Variants in KIAA1217 observed in about 807,000 individuals in gnomAD.
KIAA1217 encodes the protein KIAA1217.
In KIAA1217, 88 loss-of-function variants were observed where a neutral mutation model predicts 163.9. The observed-to-expected ratio is 0.54, with a 90% CI of 0.45 to 0.64. KIAA1217 has a LOEUF of 0.64. Among genes scored for constraint, KIAA1217 ranks in the 30% least tolerant of loss-of-function variants. The pLI is 0.00. For synonymous variants in KIAA1217, 903 were observed against 923.1 expected, an observed-to-expected ratio of 0.98 and a Z score of 0.39; for missense variants, 2,372 against 2,475.0, an observed-to-expected ratio of 0.96 and a Z score of 0.88.
At chr10:24,322,594 G>T (rs1044716463) in intron 2 of KIAA1217, among the ~76,000 whole-genome samples, 1 of 152,142 alleles carries the variant, frequency 6.6e-6, no homozygotes, top group Non-Finnish European at 1.5e-5. Flanking sequence ...AATTACATTT[G>T]AAACATATAC....
chr10:24,225,587 A>G (rs1353035227), intron 2 of KIAA1217, among the ~76,000 whole-genome samples: 1 of 152,214 alleles, frequency 6.6e-6, no homozygotes, highest in East Asian at 1.9e-4. Context: ...TTTGGCACCT[A>G]CCATGGTAAA....
rs76689264 is a variant in KIAA1217 at position 23,845,495 on chromosome 10, G to T, written c.-321+150261G>T. 9.8e-5 allele frequency among the ~76,000 whole-genome samples: 15 copies of T among 152,288 alleles called. No homozygotes were observed. The East Asian group carries it at 2.9e-3, about 29-fold the overall frequency. ...CATTTCTCTGATGACCAGTAATGAT[G>T]AACATTTTTTCATAAGTTTGTTGGC... On this transcript the variant is annotated intron_variant, in intron 1 of 18. Transcript: ENST00000376462.
chr10:24,526,773 A>C (rs2072256200), intron 13 of KIAA1217, among the ~76,000 whole-genome samples: 1 of 152,082 alleles, frequency 6.6e-6, no homozygotes, highest in African/African-American at 2.4e-5. Context: ...CCCTCAAGAC[A>C]CTTACCTACT....
chr10:23,879,830 T>C (rs1019492976), intron 1 of KIAA1217, among the ~76,000 whole-genome samples: 2 of 151,768 alleles, frequency 1.3e-5, no homozygotes, highest in Admixed American at 1.3e-4. Context: ...AAAATGATAA[T>C]GTAGGAGAAG....
chr10:23,914,369 T>C (rs1842557411), intron 1 of KIAA1217, among the ~76,000 whole-genome samples: 1 of 152,122 alleles, frequency 6.6e-6, no homozygotes. Context: ...GGCTGGAGTG[T>C]AGTGGCACAG....
intron 1 of KIAA1217, among the ~76,000 whole-genome samples, chr10:23,699,709 C>G (rs1045219490): frequency 6.6e-6 from 1 of 152,150 alleles, no homozygotes; most frequent in African/African-American, 2.4e-5. Flanking sequence ...ACTGCAGCCT[C>G]GAACTCTTGG....
intron 2 of KIAA1217, among the ~76,000 whole-genome samples, chr10:24,193,859 G>C (rs1382001203): frequency 5.4e-5 from 8 of 149,004 alleles, no homozygotes; most frequent in African/African-American, 2.0e-4. Context: ...GCAGTCACGT[G>C]CATGTTCATG....
chr10:23,739,756 C>T (rs1029881423), intron 1 of KIAA1217, among the ~76,000 whole-genome samples: 5 of 152,096 alleles, frequency 3.3e-5, no homozygotes, highest in Non-Finnish European at 7.4e-5. Flanking sequence ...AGACCCGGGA[C>T]GAGGCTCCTG....
intron 13 of KIAA1217, among the ~76,000 whole-genome samples, chr10:24,527,092 A>AT (rs959411901): frequency 3.3e-5 from 5 of 152,244 alleles, no homozygotes; most frequent in African/African-American, 1.2e-4. Context: ...TTTAAAATGC[A>AT]TTTTATGTAT....
chr10:24,149,051 C>G (rs1252958281), intron 2 of KIAA1217, among the ~76,000 whole-genome samples: 1 of 152,164 alleles, frequency 6.6e-6, no homozygotes, highest in Non-Finnish European at 1.5e-5. Context: ...CCTGACATCC[C>G]ATTCCCTATG....
At chr10:24,095,830 G>T (rs1304980890) in intron 2 of KIAA1217, among the ~76,000 whole-genome samples, 1 of 152,274 alleles carries the variant, frequency 6.6e-6, no homozygotes, top group Admixed American at 6.5e-5. Flanking sequence ...CTTGCACCTG[G>T]CGTGGTGGTT....
chr10:23,919,076 T>A (rs1478185946), intron 1 of KIAA1217, among the ~76,000 whole-genome samples: 1 of 152,038 alleles, frequency 6.6e-6, no homozygotes, highest in Non-Finnish European at 1.5e-5. Flanking sequence ...TGGAAATGAC[T>A]CCCCCATCTC....
At chr10:24,209,738 C>A (rs2067829644) in intron 1 of KIAA1217, among the ~76,000 whole-genome samples, 1 of 152,138 alleles carries the variant, frequency 6.6e-6, no homozygotes, top group Non-Finnish European at 1.5e-5. Context: ...AGAAACCAGG[C>A]ATGTTTTATT....
At position 24,503,367 on chromosome 10, in the gene KIAA1217, T is replaced by C. The variant is rs192225498; in HGVS notation, c.2001+1822T>C. Among the ~76,000 whole-genome samples, 14 of 152,390 alleles carry C rather than the reference T, an allele frequency of 9.2e-5. No individual in the cohort carries two copies. In the East Asian group the frequency reaches 2.7e-3, roughly 29 times the overall value. ...TCCTAGTGAATCTCATCGTCTGTGA[T>C]GGCCCCATCCTTTGCATTAGCTTCC... is the stretch of plus-strand genomic sequence containing the variant. On this transcript the variant is annotated intron_variant, in intron 9 of 20. Coordinates refer to ENST00000376454, the MANE Select transcript of KIAA1217 (RefSeq NM_019590.5).
chr10:24,201,941 C>T (rs967071952), intron 2 of KIAA1217, among the ~76,000 whole-genome samples: 9 of 152,272 alleles, frequency 5.9e-5, no homozygotes, highest in African/African-American at 1.9e-4. Context: ...ATCCTCCTAT[C>T]CAGCACCCCA....
chr10:24,409,053 G>C (rs554313060), intron 3 of KIAA1217, among the ~76,000 whole-genome samples: 12 of 152,260 alleles, frequency 7.9e-5, no homozygotes, highest in African/African-American at 2.9e-4. Flanking sequence ...TGATACAGTA[G>C]TTTATATTGG....
chr10:24,034,115 T>C (rs1848296964), intron 2 of KIAA1217, among the ~76,000 whole-genome samples: 1 of 152,238 alleles, frequency 6.6e-6, no homozygotes, highest in Non-Finnish European at 1.5e-5. Context: ...TTCGTATTCA[T>C]TATCCCACTT....
chr10:23,918,988 G>A (rs1842741777), intron 1 of KIAA1217, among the ~76,000 whole-genome samples: 2 of 152,080 alleles, frequency 1.3e-5, no homozygotes, highest in East Asian at 1.9e-4. Flanking sequence ...AGAGAACACA[G>A]GCTATATCAG....
chr10:24,421,964 C>A (rs1402998906), intron 3 of KIAA1217, among the ~76,000 whole-genome samples: 1 of 152,164 alleles, frequency 6.6e-6, no homozygotes, highest in East Asian at 1.9e-4. Flanking sequence ...ATACCTGAGA[C>A]TGGGTAATTG....
Sources: gnomAD v4.1 joint callset for allele counts (sites outside exome capture counted in the v4.1 genomes callset) on GRCh38, gnomAD v4.1.1 for gene constraint, MANE v1.5 for transcripts, NCBI Gene and HGNC (gene_info 2026-07-23, HGNC 2026-07-21) for gene names.